Variants in PRKAB1 observed in about 807,000 individuals in gnomAD.
PRKAB1 encodes protein kinase AMP-activated non-catalytic subunit beta 1.
A neutral mutation model predicts 32.0 loss-of-function variants in PRKAB1; 18 were observed. The ratio of observed to expected loss-of-function variants is 0.56; its 90% CI spans 0.39 to 0.83. The LOEUF (loss-of-function observed/expected upper bound fraction) is 0.83, where lower values mean the gene tolerates loss of function less well. PRKAB1 is among the 40% of genes least tolerant of loss of function. The pLI, the probability that PRKAB1 is intolerant of heterozygous loss-of-function variation, is 0.00. For synonymous variants in PRKAB1, 141 were observed against 141.4 expected, an observed-to-expected ratio of 1.00 and a Z score of 0.02; for missense variants, 263 against 352.6, an observed-to-expected ratio of 0.75 and a Z score of 2.03.
At chr12:119,668,734 T>C (rs1253966692) in intron 1 of PRKAB1, among the ~76,000 whole-genome samples, 1 of 152,230 alleles carries the variant, frequency 6.6e-6, no homozygotes, top group East Asian at 1.9e-4. Context: ...AGCTTCTGCT[T>C]TTCTCTTAGG....
At position 119,679,201 on chromosome 12, in the gene PRKAB1, C is replaced by A. The variant is rs1377186869; in HGVS notation, c.667-732C>A. On this transcript the variant is annotated intron_variant, in intron 5 of 6. Transcript: ENST00000229328. This position sits in a 1 kb window ranked among gnomAD's most constrained non-coding sequence, Gnocchi z 4.1. ...CAACTGGCTGAGCCAGCAGTCACAT[C>A]AGGCTTGGCTGGTGCCAGATCCTTG... 1 of 152,268 alleles carries A rather than the reference C, an allele frequency of 6.6e-6. No individual in the cohort carries two copies. The highest frequency in any genetic ancestry group is 2.4e-5 in the African/African-American group (1 of 41,462). 9.4% of individuals were successfully genotyped at this position (152,268 alleles called of 1,614,324 possible). A position where few individuals can be genotyped will look rare whatever the true frequency, so the allele number is the denominator to read the frequency against.
Position 119,679,640 on chromosome 12 carries a change from C to T in PRKAB1, c.667-293C>T. 1 of 423,854 alleles carries T rather than the reference C, an allele frequency of 2.4e-6. No individual in the cohort carries two copies. Among genetic ancestry groups the T allele is most frequent in the East Asian group, 5.0e-5 (1 of 20,072 alleles). The allele number at this position is 423,854 out of a possible 1,614,324, so 26.3% of individuals were successfully genotyped here. On this transcript the variant is annotated intron_variant, in intron 5 of 6. Coordinates refer to ENST00000229328, the MANE Select transcript of PRKAB1 (RefSeq NM_006253.5). This position sits in a 1 kb window ranked among gnomAD's most constrained non-coding sequence, Gnocchi z 4.1. ...TAATAGCTGCTTTCTTCCTGCCCCA[C>T]CCTCCATAAGAGGACAGGGCCGTGG...
chr12:119,668,442 ATGT>A, intron 1 of PRKAB1, 39 bp downstream of exon 1: 1 of 1,604,218 alleles, frequency 6.2e-7, no homozygotes, highest in Non-Finnish European at 8.5e-7. Flanking sequence ...CCCTTGACTA[ATGT>A]TGAGGAGAGG....
At chr12:119,673,073 A>T (rs1314243328) in intron 2 of PRKAB1, among the ~76,000 whole-genome samples, 1 of 152,150 alleles carries the variant, frequency 6.6e-6, no homozygotes, top group African/African-American at 2.4e-5. Flanking sequence ...CTACAAAAAA[A>T]TTAAAAATTA....
Position 119,668,274 on chromosome 12 carries a change from G to A in PRKAB1, c.30G>A (p.Ala10=). Residue 10 remains alanine, a synonymous_variant, in exon 1 of 7, where the codon GCG becomes GCA. Transcript: ENST00000229328. The part of the protein sequence containing the change: MGNTSSERA[A]LERHGGHKTP... Reference sequence around the variant, plus strand: ...GCAATACCAGCAGTGAGCGCGCCGCGCTGGAGCGGCATGGTGGCCATAAGA... The same window carrying A: ...GCAATACCAGCAGTGAGCGCGCCGCACTGGAGCGGCATGGTGGCCATAAGA... The A allele has an allele frequency of 6.2e-7, 1 of 1,608,570 alleles. No individual in the cohort carries two copies. Among genetic ancestry groups the A allele is most frequent in the Non-Finnish European group, 8.5e-7 (1 of 1,178,064 alleles).
intron 1 of PRKAB1, 123 bp downstream of exon 1, chr12:119,668,526 C>G: frequency 7.5e-7 from 1 of 1,335,666 alleles, no homozygotes; most frequent in South Asian, 1.4e-5. Flanking sequence ...GTACATTACC[C>G]GGTGCACTTA....
chr12:119,668,096 G>A (rs1225615739), upstream of PRKAB1: 8 of 1,028,132 alleles, frequency 7.8e-6, no homozygotes, highest in South Asian at 8.5e-5. Flanking sequence ...AGCCGGAACC[G>A]GCTCCCGGCC....
rs1593331212 is a variant in PRKAB1 at position 119,674,548 on chromosome 12, C to G, written c.532+94C>G. The G allele has an allele frequency of 1.3e-5, 12 of 895,518 alleles. No homozygotes were observed. Among genetic ancestry groups the G allele is most frequent in the East Asian group, 5.3e-5 (2 of 37,706 alleles). The allele number at this position is 895,518 out of a possible 1,614,324, so 55.5% of individuals were successfully genotyped here. A position where few individuals can be genotyped will look rare whatever the true frequency, so the allele number is the denominator to read the frequency against. ...TTCTCTTGCCTCTCTTGAGCTGAAG[C>G]TGCCCAGTCAGATAGGCATTTATAG... On this transcript the variant is annotated intron_variant, in intron 4 of 6. Transcript: ENST00000229328. The surrounding 1 kb of genome is among the most constrained non-coding windows in gnomAD (Gnocchi z 4.3).
intron 1 of PRKAB1, among the ~76,000 whole-genome samples, 160 bp downstream of exon 1, chr12:119,668,563 T>G (rs957267792): frequency 6.6e-6 from 1 of 152,218 alleles, no homozygotes; most frequent in Non-Finnish European, 1.5e-5. Flanking sequence ...GTAAGAGTTC[T>G]CTTAGCGGTC....
Position 119,679,975 on chromosome 12 carries a change from A to G in PRKAB1, c.709A>G (p.Asn237Asp), listed in dbSNP as rs758745155. The G allele has an allele frequency of 6.2e-7, 1 of 1,614,070 alleles. No individual in the cohort carries two copies. Among genetic ancestry groups the G allele is most frequent in the Non-Finnish European group, 8.5e-7 (1 of 1,179,908 alleles). ...LLPEPNHVML[N>D]HLYALSIKDG... is the part of the protein sequence containing the mutation. ...TCCTGAGCCCAATCACGTCATGCTG[A>G]ACCACCTATACGCGCTGTCTATCAA... Residue 237 changes from asparagine to aspartate, a missense_variant, in exon 6 of 7, where the codon AAC (asparagine) becomes GAC (aspartate). Transcript: ENST00000229328. The surrounding 1 kb of genome is among the most constrained non-coding windows in gnomAD (Gnocchi z 4.1).
At position 119,674,397 on chromosome 12, in the gene PRKAB1, G is replaced by T; in HGVS notation, c.475G>T (p.Asp159Tyr). Residue 159 changes from aspartate to tyrosine, a missense_variant, in exon 4 of 7, where the codon GAC becomes TAC. Asp to Tyr is a radical substitution (Grantham distance 160). Transcript: ENST00000229328. This position sits in a 1 kb window ranked among gnomAD's most constrained non-coding sequence, Gnocchi z 4.3. ...VNNIIQVKKTDFEVFDALMVD... is the reference protein window; with the variant it reads ...VNNIIQVKKTYFEVFDALMVD... ...CAACATCATTCAAGTGAAGAAAACT[G>T]ACTTTGAAGTATTTGATGCTTTAAT... 6.2e-7 allele frequency: 1 copy of T among 1,614,184 alleles called. No homozygotes were observed. The highest frequency in any genetic ancestry group is 1.1e-5 in the South Asian group (1 of 91,052).
intron 1 of PRKAB1, 185 bp from the exon 2 acceptor site, chr12:119,672,114 TCA>T: frequency 3.8e-6 from 2 of 523,410 alleles, no homozygotes; most frequent in Non-Finnish European, 6.6e-6. Context: ...ATGGACTGTC[TCA>T]GTCTTCACAA....
rs983856867 is a variant in PRKAB1, at chr12:119,672,204, C to T, written c.160-97C>T. The T allele has an allele frequency of 5.5e-6, 7 of 1,280,118 alleles. No individual in the cohort carries two copies. In the African/African-American group the frequency reaches 9.1e-5, roughly 17 times the overall value. 79.3% of individuals were successfully genotyped at this position (1,280,118 alleles called of 1,614,324 possible). On this transcript the variant is annotated intron_variant, in intron 1 of 6. Transcript: ENST00000229328. ...TAAGTTTCCGATCCTAACCATGAACCAAGATAGTAACAGCTGCGTCTTTAG... is the reference window on the plus strand; with the variant it reads ...TAAGTTTCCGATCCTAACCATGAACTAAGATAGTAACAGCTGCGTCTTTAG...
chr12:119,674,152 A>T lies in PRKAB1; in HGVS notation c.417+95A>T. The T allele has an allele frequency of 4.0e-6, 5 of 1,250,298 alleles. No individual in the cohort carries two copies. Among genetic ancestry groups the T allele is most frequent in the Non-Finnish European group, 5.7e-6 (5 of 873,220 alleles). The allele number at this position is 1,250,298 out of a possible 1,614,324, so 77.5% of individuals were successfully genotyped here. On this transcript the variant is annotated intron_variant, in intron 3 of 6. Coordinates refer to ENST00000229328, the MANE Select transcript of PRKAB1 (RefSeq NM_006253.5). The surrounding 1 kb of genome is among the most constrained non-coding windows in gnomAD (Gnocchi z 4.3). The stretch of plus-strand genomic sequence containing the variant: ...TGCCGCTAGGTCCCTTTGCCCAGCT[A>T]GTAAAAGTCCCCGTGTGTGGCAGAG...
Position 119,668,164 on chromosome 12 carries a change from G to T in PRKAB1, c.-81G>T. 2 of 1,397,460 alleles carry T rather than the reference G, an allele frequency of 1.4e-6. No homozygotes were observed. The highest frequency in any genetic ancestry group is 1.9e-6 in the Non-Finnish European group (2 of 1,075,052). The allele number at this position is 1,397,460 out of a possible 1,614,324, so 86.6% of individuals were successfully genotyped here. On this transcript the variant is annotated 5_prime_UTR_variant, in exon 1 of 7. Coordinates refer to ENST00000229328, the MANE Select transcript of PRKAB1 (RefSeq NM_006253.5). ...TTCCGCAGGCTCCTTGGGACCCGCG[G>T]TTCCGGGAGTCCCTTGCTCAGGGTC...
chr12:119,674,564 G>C lies in PRKAB1; in HGVS notation c.532+110G>C. The C allele has an allele frequency of 1.4e-6, 1 of 712,854 alleles. No homozygotes were observed. The highest frequency in any genetic ancestry group is 2.3e-6 in the Non-Finnish European group (1 of 438,574). 44.2% of individuals were successfully genotyped at this position (712,854 alleles called of 1,614,324 possible). On this transcript the variant is annotated intron_variant, in intron 4 of 6. Coordinates refer to ENST00000229328, the MANE Select transcript of PRKAB1 (RefSeq NM_006253.5). This position sits in a 1 kb window ranked among gnomAD's most constrained non-coding sequence, Gnocchi z 4.3. ...GAGCTGAAGCTGCCCAGTCAGATAG[G>C]CATTTATAGCCCCCACTTAAAGGCC...
At chr12:119,677,157 TTG>T (rs1026675511) in intron 5 of PRKAB1, among the ~76,000 whole-genome samples, 4 of 152,228 alleles carry the variant, frequency 2.6e-5, no homozygotes, top group Non-Finnish European at 5.9e-5. Context: ...GCCAGTTCTG[TTG>T]TGATTCTGTT....
intron 1 of PRKAB1, chr12:119,669,308 C>T (rs1308125461): frequency 7.2e-6 from 1 of 138,622 alleles, no homozygotes; most frequent in Non-Finnish European, 1.5e-5. Context: ...CGCTCTGTCG[C>T]CCAGGCTGGA....
chr12:119,671,953 G>C (rs1593330059), intron 1 of PRKAB1, among the ~76,000 whole-genome samples: 1 of 152,138 alleles, frequency 6.6e-6, no homozygotes, highest in Non-Finnish European at 1.5e-5. Flanking sequence ...GATTAAGGGA[G>C]GAACATGACA....
Sources: gnomAD v4.1 joint callset for allele counts (sites outside exome capture counted in the v4.1 genomes callset) on GRCh38, gnomAD v4.1.1 for gene constraint, Gnocchi (gnomAD v3.1) non-coding constraint, MANE v1.5 for transcripts, NCBI Gene and HGNC (gene_info 2026-07-23, HGNC 2026-07-21) for gene names.